Variants in CAMTA1 observed in about 807,000 individuals in gnomAD.
CAMTA1 encodes calmodulin-binding transcription activator 1.
Under a neutral mutation model 170.9 loss-of-function variants are expected in CAMTA1, and 27 were observed. That is an observed-to-expected ratio of 0.16 (90% CI 0.12 to 0.22). The LOEUF is 0.22. Ranked by LOEUF, CAMTA1 falls within the 10% of genes least tolerant of loss-of-function variation. The pLI is 1.00. For missense variants in CAMTA1, 1,619 were observed against 2,217.2 expected (o/e 0.73, Z 5.42); for synonymous variants, 833 against 891.5 (o/e 0.93, Z 1.17).
intron 6 of CAMTA1, among the ~76,000 whole-genome samples, chr1:7,521,102 C>T (rs916140348): frequency 3.9e-5 from 6 of 152,146 alleles, no homozygotes; most frequent in Non-Finnish European, 8.8e-5. Context: ...GCTAAATGTT[C>T]ATTTTCAAAG....
intron 5 of CAMTA1, among the ~76,000 whole-genome samples, chr1:7,377,676 T>C (rs555568866): frequency 6.6e-6 from 1 of 152,288 alleles, no homozygotes; most frequent in South Asian, 2.1e-4. Flanking sequence ...ATAAAGGTTT[T>C]TGAGGAGGCC....
Position 7,248,514 on chromosome 1 carries a change from A to G in CAMTA1, c.303-977A>G, listed in dbSNP as rs926823243. ...GCAGCACTGCGTGGGGTGCTGCTAG[A>G]TTTTGGGGGAGTCTTCCTTGACGTT... On this transcript the variant is annotated intron_variant, in intron 4 of 22. Transcript: ENST00000303635. The surrounding 1 kb of genome is among the most constrained non-coding windows in gnomAD (Gnocchi z 4.0). Among the ~76,000 whole-genome samples the G allele has an allele frequency of 6.6e-6, 1 of 152,072 alleles. No individual in the cohort carries two copies. Among genetic ancestry groups the G allele is most frequent in the African/African-American group, 2.4e-5 (1 of 41,390 alleles).
chr1:6,942,127 C>T (rs1469729611), intron 3 of CAMTA1, among the ~76,000 whole-genome samples: 1 of 151,240 alleles, frequency 6.6e-6, no homozygotes, highest in Non-Finnish European at 1.5e-5. Flanking sequence ...CTGCACATTC[C>T]AAGTGCTGTT....
Position 7,146,095 on chromosome 1 carries a change from A to T in CAMTA1, c.302+54724A>T, listed in dbSNP as rs991936421. Reference sequence around the variant, plus strand: ...AGTGCTTTAATTGGATCTTTTTTTTAAAATGGGATGATTGTAAAGGCCGGG... The same window carrying T: ...AGTGCTTTAATTGGATCTTTTTTTTTAAATGGGATGATTGTAAAGGCCGGG... On this transcript the variant is annotated intron_variant, in intron 4 of 22. Coordinates refer to ENST00000303635, the MANE Select transcript of CAMTA1 (RefSeq NM_015215.4). This position sits in a 1 kb window ranked among gnomAD's most constrained non-coding sequence, Gnocchi z 4.3. 4.6e-5 allele frequency among the ~76,000 whole-genome samples: 7 copies of T among 152,062 alleles called. No homozygotes were observed. Among genetic ancestry groups the T allele is most frequent in the African/African-American group, 1.2e-4 (5 of 41,406 alleles).
At chr1:6,818,690 G>T (rs1391764839) in intron 1 of CAMTA1, among the ~76,000 whole-genome samples, 1 of 152,090 alleles carries the variant, frequency 6.6e-6, no homozygotes, top group Non-Finnish European at 1.5e-5. Context: ...CCAGGCGGGA[G>T]TGCAGTGGTG....
intron 4 of CAMTA1, among the ~76,000 whole-genome samples, chr1:7,155,930 A>G (rs1646852719): frequency 1.3e-5 from 2 of 151,916 alleles, no homozygotes; most frequent in Non-Finnish European, 2.9e-5. Context: ...CATCTCTTCT[A>G]GAGCTAGCTC....
intron 3 of CAMTA1, among the ~76,000 whole-genome samples, chr1:6,870,952 A>G (rs890802130): frequency 7.2e-5 from 11 of 152,248 alleles, no homozygotes; most frequent in African/African-American, 2.4e-4. Flanking sequence ...AGTGCTTACC[A>G]TTACTGCAAA....
chr1:7,258,747 G>C (rs1667762574), intron 5 of CAMTA1, among the ~76,000 whole-genome samples: 1 of 152,158 alleles, frequency 6.6e-6, no homozygotes. Context: ...TTCATTGCTG[G>C]GGAACGTTGC....
At chr1:7,429,387 G>A (rs1162538143) in intron 5 of CAMTA1, among the ~76,000 whole-genome samples, 1 of 152,194 alleles carries the variant, frequency 6.6e-6, no homozygotes, top group Non-Finnish European at 1.5e-5. Context: ...TGGTGATGAT[G>A]ATGGTGATAA....
chr1:7,596,270 C>T (rs1270457138), intron 6 of CAMTA1, among the ~76,000 whole-genome samples: 2 of 152,240 alleles, frequency 1.3e-5, no homozygotes, highest in Non-Finnish European at 2.9e-5. Context: ...CCACCCACTG[C>T]AATCCAGCAT....
chr1:7,192,073 T>C (rs907966272), intron 4 of CAMTA1, among the ~76,000 whole-genome samples: 5 of 152,216 alleles, frequency 3.3e-5, no homozygotes, highest in Non-Finnish European at 7.3e-5. Context: ...TAGGAGCTAT[T>C]GGACACATCT....
intron 6 of CAMTA1, among the ~76,000 whole-genome samples, chr1:7,522,395 G>A (rs920408604): frequency 6.6e-6 from 1 of 152,108 alleles, no homozygotes; most frequent in Non-Finnish European, 1.5e-5. Context: ...CTCAGTACGA[G>A]TCCTTTGCTG....
intron 3 of CAMTA1, among the ~76,000 whole-genome samples, chr1:6,931,306 C>T (rs533523583): frequency 1.3e-5 from 2 of 151,996 alleles, no homozygotes; most frequent in Admixed American, 6.6e-5. Context: ...AATATGTGTT[C>T]GGCGAGGAAA....
intron 3 of CAMTA1, among the ~76,000 whole-genome samples, chr1:7,036,659 T>G (rs1050228870): frequency 5.9e-5 from 9 of 152,228 alleles, no homozygotes; most frequent in Non-Finnish European, 1.3e-4. Context: ...CTGAGGTGAT[T>G]GGCTTGTTAT....
intron 3 of CAMTA1, among the ~76,000 whole-genome samples, chr1:6,879,258 C>G (rs1426873273): frequency 6.6e-6 from 1 of 152,104 alleles, no homozygotes; most frequent in African/African-American, 2.4e-5. Flanking sequence ...GGAGACATAC[C>G]AAACCCACAA....
At chr1:7,404,905 T>C (rs1352231006) in intron 5 of CAMTA1, among the ~76,000 whole-genome samples, 1 of 152,004 alleles carries the variant, frequency 6.6e-6, no homozygotes, top group Non-Finnish European at 1.5e-5. Flanking sequence ...AATAAAAGGG[T>C]CTTTTTTTGT....
At chr1:7,228,614 G>A (rs1391525221) in intron 4 of CAMTA1, among the ~76,000 whole-genome samples, 2 of 152,200 alleles carry the variant, frequency 1.3e-5, no homozygotes, top group African/African-American at 4.8e-5. Context: ...AGCCCTCTGG[G>A]GACAGACATG....
chr1:6,849,812 A>T (rs1010625054), intron 3 of CAMTA1, among the ~76,000 whole-genome samples: 2 of 151,988 alleles, frequency 1.3e-5, no homozygotes, highest in African/African-American at 4.8e-5. Context: ...AGGCAGGAGG[A>T]TCACTTGAAG....
intron 10 of CAMTA1, 140 bp downstream of exon 10, chr1:7,671,177 T>A (rs560273602): frequency 1.6e-5 from 14 of 898,242 alleles, no homozygotes; most frequent in Admixed American, 1.2e-4. Context: ...AAGAAGCGGA[T>A]CCCCGATAGT....
Sources: allele counts gnomAD v4.1 joint callset (sites outside exome capture counted in the v4.1 genomes callset), GRCh38; gene constraint gnomAD v4.1.1; non-coding constraint Gnocchi (gnomAD v3.1); transcripts MANE v1.5; gene names NCBI Gene and HGNC (gene_info 2026-07-23, HGNC 2026-07-21).